PAQR8: variants seen among roughly 807,000 people sequenced by gnomAD.
PAQR8 encodes the protein membrane progestin receptor beta.
Under a neutral mutation model 25.2 loss-of-function variants are expected in PAQR8, and 17 were observed. The observed-to-expected ratio is 0.67, with a 90% CI of 0.46 to 1.01. The LOEUF (loss-of-function observed/expected upper bound fraction) is 1.01. Ranked by LOEUF, PAQR8 falls within the 50% of genes least tolerant of loss-of-function variation. PAQR8 has a pLI of 0.00. For synonymous variants in PAQR8, 204 were observed against 190.6 expected (o/e 1.07, Z -0.58); for missense variants, 392 against 448.4 (o/e 0.87, Z 1.14).
chr6:52,403,521 C>T lies in PAQR8; in HGVS notation c.308C>T (p.Pro103Leu). 6.2e-7 allele frequency: 1 copy of T among 1,614,080 alleles called. No individual in the cohort carries two copies. The highest frequency in any genetic ancestry group is 2.2e-5 in the East Asian group (1 of 44,888). The change falls in exon 2 of 2, where the codon CCA becomes CTA. Residue 103 changes from proline (P) to leucine (L), a missense_variant. By Grantham distance (98) the Pro-to-Leu change is moderately conservative (BLOSUM62 -3). Coordinates refer to ENST00000442253, the MANE Select transcript of PAQR8 (RefSeq NM_133367.5). ...GCCTTTGCCGAGGCTGAGGCCTTGC[C>T]ATGGGCGTCTACCCACTCCCTGCCT... is the stretch of plus-strand genomic sequence containing the variant. Reference protein sequence around the residue: ...FWAFAEAEALPWASTHSLPLL... With the variant: ...FWAFAEAEALLWASTHSLPLL...
chr6:52,379,096 C>CAAAAAAAAA (rs70977347), intron 1 of PAQR8, among the ~76,000 whole-genome samples: 1 of 93,000 alleles, frequency 1.1e-5, no homozygotes, highest in Non-Finnish European at 2.2e-5. Flanking sequence ...TACTCTTTAT[C>CAAAAAAAAA]AAAAAAAAAA....
rs1763301204 is a variant in PAQR8, at chr6:52,362,476, G to C, written c.-53+227G>C. 1 of 152,776 alleles carries C rather than the reference G, an allele frequency of 6.5e-6. No individual in the cohort carries two copies. Among genetic ancestry groups the C allele is most frequent in the African/African-American group, 2.4e-5 (1 of 41,482 alleles). The allele number at this position is 152,776 out of a possible 1,614,324, so 9.5% of individuals were successfully genotyped here. On this transcript the variant is annotated intron_variant, in intron 1 of 1. Transcript: ENST00000442253. The surrounding 1 kb of genome is among the most constrained non-coding windows in gnomAD (Gnocchi z 4.1). ...TGTTGAGTCTCCGAATCCAAGCCCG[G>C]AAGGGGGGACGACGGGTTAGGATGC... is the stretch of plus-strand genomic sequence containing the variant.
intron 1 of PAQR8, among the ~76,000 whole-genome samples, chr6:52,397,798 G>A (rs999440597): frequency 1.3e-5 from 2 of 152,162 alleles, no homozygotes; most frequent in African/African-American, 4.8e-5. Context: ...TAGGTAGGAG[G>A]GTGTGGGAAC....
chr6:52,397,392 C>T (rs1003292925), intron 1 of PAQR8, among the ~76,000 whole-genome samples: 4 of 152,210 alleles, frequency 2.6e-5, no homozygotes, highest in Non-Finnish European at 5.9e-5. Flanking sequence ...AGGGCTAACA[C>T]AAGCCCACTT....
intron 1 of PAQR8, among the ~76,000 whole-genome samples, chr6:52,394,281 T>C (rs1286888957): frequency 6.6e-6 from 1 of 152,228 alleles, no homozygotes; most frequent in African/African-American, 2.4e-5. Flanking sequence ...TTATGGGTAC[T>C]TCACGTATTT....
At position 52,378,087 on chromosome 6, in the gene PAQR8, T is replaced by A. The variant is rs34706731; in HGVS notation, c.-53+15838T>A. Among the ~76,000 whole-genome samples, 469 of 152,348 alleles carry A rather than the reference T, an allele frequency of 3.1e-3. 2 individuals carry two copies. Among genetic ancestry groups the A allele is most frequent in the Non-Finnish European group, 5.1e-3 (348 of 68,032 alleles). On this transcript the variant is annotated intron_variant, in intron 1 of 1. Coordinates refer to ENST00000442253, the MANE Select transcript of PAQR8 (RefSeq NM_133367.5). ...AAGGGACTTCACCTGTTTCCTCATC[T>A]GTACAATAGCTAAAAATAGTAGATT...
intron 1 of PAQR8, among the ~76,000 whole-genome samples, chr6:52,378,524 G>A (rs943684558): frequency 6.6e-6 from 1 of 152,232 alleles, no homozygotes; most frequent in African/African-American, 2.4e-5. Context: ...CAGGCGCGGT[G>A]GCTGAGGCAT....
intron 1 of PAQR8, among the ~76,000 whole-genome samples, chr6:52,389,014 T>C (rs1763665674): frequency 6.6e-6 from 1 of 152,236 alleles, no homozygotes; most frequent in Admixed American, 6.5e-5. Flanking sequence ...AGTGTTATTT[T>C]ACATTATGTT....
intron 1 of PAQR8, among the ~76,000 whole-genome samples, chr6:52,365,291 G>A (rs1441586059): frequency 1.3e-5 from 2 of 152,026 alleles, no homozygotes; most frequent in Non-Finnish European, 2.9e-5. Flanking sequence ...AGTAAAAAAT[G>A]TACTGAACAT....
intron 1 of PAQR8, among the ~76,000 whole-genome samples, chr6:52,381,422 A>G (rs1763558600): frequency 6.6e-6 from 1 of 152,260 alleles, no homozygotes; most frequent in Non-Finnish European, 1.5e-5. Flanking sequence ...AGCCTGGTCA[A>G]CATGGTGAAA....
intron 1 of PAQR8, among the ~76,000 whole-genome samples, chr6:52,392,015 A>G (rs1342680686): frequency 6.6e-6 from 1 of 152,206 alleles, no homozygotes; most frequent in African/African-American, 2.4e-5. Context: ...TAGAGCTTAT[A>G]TAGATTACAC....
chr6:52,381,309 TCAAAAAGCACAG>T (rs72160397), intron 1 of PAQR8, among the ~76,000 whole-genome samples: 13,814 of 152,252 alleles, frequency 0.091, 1,109 homozygotes, highest in Admixed American at 0.26. Flanking sequence ...ATTGGTGGAT[TCAAAAAGCACAG>T]CAATGGCTGG....
At position 52,406,528 on chromosome 6, in the gene PAQR8, A is replaced by G; in HGVS notation, c.*2250A>G. 1 of 413,532 alleles carries G rather than the reference A, an allele frequency of 2.4e-6. No homozygotes were observed. The highest frequency in any genetic ancestry group is 4.4e-6 in the Non-Finnish European group (1 of 226,150). The allele number at this position is 413,532 out of a possible 1,614,324, so 25.6% of individuals were successfully genotyped here. ...ATATTGCCATACAATTTTAATTTAT[A>G]CAAGTATTGGCCCCTCAAGTGGTTG... On this transcript the variant is annotated 3_prime_UTR_variant, in exon 2 of 2. Coordinates refer to ENST00000442253, the MANE Select transcript of PAQR8 (RefSeq NM_133367.5).
chr6:52,402,784 C>T (rs1327705077), intron 1 of PAQR8, among the ~76,000 whole-genome samples: 1 of 152,018 alleles, frequency 6.6e-6, no homozygotes. Flanking sequence ...ATTAAAATAA[C>T]CACGGATCCT....
At chr6:52,373,531 C>G (rs957017336) in intron 1 of PAQR8, 1 of 152,268 alleles carries the variant, frequency 6.6e-6, no homozygotes, top group African/African-American at 2.4e-5. Flanking sequence ...TCTCTCCTCT[C>G]CCTTGCTTTT....
intron 1 of PAQR8, among the ~76,000 whole-genome samples, chr6:52,397,173 C>A (rs561400366): frequency 6.6e-6 from 1 of 152,062 alleles, no homozygotes; most frequent in African/African-American, 2.4e-5. Context: ...AATAGTTTCA[C>A]GGGAGAGAAA....
intron 1 of PAQR8, among the ~76,000 whole-genome samples, chr6:52,396,300 C>G (rs1329038243): frequency 1.3e-5 from 2 of 152,098 alleles, no homozygotes; most frequent in African/African-American, 4.8e-5. Flanking sequence ...GAAAATGACC[C>G]AGAGTTGCTG....
intron 1 of PAQR8, among the ~76,000 whole-genome samples, chr6:52,379,463 A>AT (rs1338954504): frequency 6.6e-6 from 1 of 151,940 alleles, no homozygotes; most frequent in Non-Finnish European, 1.5e-5. Flanking sequence ...CTTTATTTTT[A>AT]TTTTTTGAGA....
intron 1 of PAQR8, among the ~76,000 whole-genome samples, chr6:52,398,773 C>T (rs1374213891): frequency 1.3e-5 from 2 of 149,934 alleles, no homozygotes; most frequent in African/African-American, 4.9e-5. Context: ...AGGGTGGTCC[C>T]GAACTCCTGA....
Sources: gnomAD v4.1 joint callset for allele counts (sites outside exome capture counted in the v4.1 genomes callset) on GRCh38, gnomAD v4.1.1 for gene constraint, Gnocchi (gnomAD v3.1) non-coding constraint, MANE v1.5 for transcripts, NCBI Gene and HGNC (gene_info 2026-07-23, HGNC 2026-07-21) for gene names.